Variants in AP3B2 observed in about 807,000 individuals in gnomAD.
AP3B2 encodes adaptor related protein complex 3 subunit beta 2, also known as AP-3 complex subunit beta-2.
Under a neutral mutation model 126.9 loss-of-function variants are expected in AP3B2, and 50 were observed. The observed-to-expected ratio is 0.39, with a 90% confidence interval of 0.31 to 0.50. AP3B2 has a LOEUF of 0.50. AP3B2 is among the 20% of genes least tolerant of loss of function. The pLI, the probability that AP3B2 is intolerant of heterozygous loss-of-function variation, is 0.79. For synonymous variants in AP3B2, 541 were observed against 565.0 expected (o/e 0.96, Z 0.60); for missense variants, 1,177 against 1,426.4 (o/e 0.83, Z 2.82).
Position 82,662,755 on chromosome 15 carries a change from G to A in AP3B2, c.2772C>T (p.Gly924=), listed in dbSNP as rs1289721420. The A allele has an allele frequency of 1.2e-6, 2 of 1,613,768 alleles. No homozygotes were observed. The highest frequency in any genetic ancestry group is 1.3e-5 in the African/African-American group (1 of 74,936). The change falls in exon 23 of 27, where the codon GGC becomes GGT. Residue 924 remains glycine (G), a synonymous_variant. Coordinates refer to ENST00000535359, the MANE Select transcript of AP3B2 (RefSeq NM_001278512.2). ...FSNSSDTPIK[G]LHVGTPKLPA... is the part of the protein sequence containing the mutation. ...GCAGTTTGGGAGTGCCCACATGCAGGCCCTTGATGGGGGTATCAGAGCTGT... is the reference window on the plus strand; with the variant it reads ...GCAGTTTGGGAGTGCCCACATGCAGACCCTTGATGGGGGTATCAGAGCTGT...
chr15:82,680,284 G>A lies in AP3B2; in HGVS notation c.1056-55C>T. On this transcript the variant is annotated intron_variant, in intron 8 of 26. Transcript: ENST00000535359. This position sits in a 1 kb window ranked among gnomAD's most constrained non-coding sequence, Gnocchi z 6.1. ...GGCCCCTCGGTTGGGGCAAGGGTCA[G>A]CGGATGAGGGGAAAAGGTGGGGCAA... is the stretch of plus-strand genomic sequence containing the variant. The A allele has an allele frequency of 6.2e-7, 1 of 1,610,728 alleles. No homozygotes were observed. The highest frequency in any genetic ancestry group is 2.2e-5 in the East Asian group (1 of 44,826).
rs1168677237 is a variant in AP3B2, at chr15:82,681,735, T to C, written c.361-155A>G. The C allele has an allele frequency of 1.5e-5, 12 of 795,514 alleles. No homozygotes were observed. Among genetic ancestry groups the C allele is most frequent in the Non-Finnish European group, 2.3e-5 (12 of 515,994 alleles). The allele number at this position is 795,514 out of a possible 1,614,324, so 49.3% of individuals were successfully genotyped here. A position where few individuals can be genotyped will look rare whatever the true frequency, so the allele number is the denominator to read the frequency against. ...GGATGGTGTGCCAGTGATGGGTATC[T>C]GGGGGACACTTAATTTTGGCTCTGG... On this transcript the variant is annotated intron_variant, in intron 4 of 26. Transcript: ENST00000535359. The surrounding 1 kb of genome is among the most constrained non-coding windows in gnomAD (Gnocchi z 4.0).
At chr15:82,697,487 T>C (rs578241298) in intron 1 of AP3B2, among the ~76,000 whole-genome samples, 80 of 152,254 alleles carry the variant, frequency 5.3e-4, no homozygotes, top group African/African-American at 1.7e-3. Context: ...CTGCTGCTAA[T>C]GCTGAGAAAC....
rs1470371816 is a variant in AP3B2, at chr15:82,665,605, A to T, written c.1853-30T>A. On this transcript the variant is annotated intron_variant, in intron 15 of 26. Transcript: ENST00000535359. This position sits in a 1 kb window ranked among gnomAD's most constrained non-coding sequence, Gnocchi z 4.4. ...GGATAGGTTTAGAGGTCAGGCAGGT[A>T]GCAGCAGTGAGGGAAAGCTCTGGGA... The T allele has an allele frequency of 6.4e-7, 1 of 1,550,988 alleles. No individual in the cohort carries two copies. Among genetic ancestry groups the T allele is most frequent in the South Asian group, 1.1e-5 (1 of 89,106 alleles).
chr15:82,709,489 C>CGGGGCGGGGCCGGCGCTG (rs1483194242), intron 1 of AP3B2, 105 bp downstream of exon 1: 4 of 749,680 alleles, frequency 5.3e-6, no homozygotes, highest in Non-Finnish European at 6.7e-6. Context: ...TCGGCGCGGC[C>CGGGGCGGGGCCGGCGCTG]GGGGCGGGGC....
intron 1 of AP3B2, 94 bp downstream of exon 1, chr15:82,709,500 C>G: frequency 1.2e-6 from 1 of 861,734 alleles, no homozygotes; most frequent in Non-Finnish European, 1.5e-6. Flanking sequence ...GGGGCGGGGC[C>G]GGCGCTGGGG....
At position 82,709,645 on chromosome 15, in the gene AP3B2, T is replaced by G; in HGVS notation, c.62A>C (p.Glu21Ala). The G allele has an allele frequency of 6.6e-7, 1 of 1,521,146 alleles. No individual in the cohort carries two copies. The highest frequency in any genetic ancestry group is 8.8e-7 in the Non-Finnish European group (1 of 1,137,418). The allele number at this position is 1,521,146 out of a possible 1,614,324, so 94.2% of individuals were successfully genotyped here. Residue 21 changes from glutamate to alanine, a missense_variant, in exon 1 of 27, where the codon GAG becomes GCG. Around this residue, in one of 5 missense-constraint regions of AP3B2, gnomAD observed 49 missense variants for 39.3 expected, o/e 1.25. Coordinates refer to ENST00000535359, the MANE Select transcript of AP3B2 (RefSeq NM_001278512.2). ...KGGSAGPGEPEYGHDPASGGI... is the reference protein window; with the variant it reads ...KGGSAGPGEPAYGHDPASGGI... ...GCCGCTCGCGGGGTCGTGGCCGTAC[T>G]CGGGCTCCCCGGGGCCAGCGGAGCC...
chr15:82,660,730 C>A lies in AP3B2; in HGVS notation c.3017-747G>T, dbSNP rs116415695. The stretch of plus-strand genomic sequence containing the variant: ...GACATCCCTCTCCTGTTTCTTCTAT[C>A]CCCTTCATTCATGACTAATAACATT... On this transcript the variant is annotated intron_variant, in intron 25 of 26. Coordinates refer to ENST00000535359, the MANE Select transcript of AP3B2 (RefSeq NM_001278512.2). Among the ~76,000 whole-genome samples, 297 of 152,322 alleles carry A rather than the reference C, an allele frequency of 1.9e-3. 2 individuals carry two copies. Among genetic ancestry groups the A allele is most frequent in the African/African-American group, 6.8e-3 (282 of 41,572 alleles).
intron 14 of AP3B2, among the ~76,000 whole-genome samples, chr15:82,675,248 T>A (rs1043977777): frequency 6.6e-6 from 1 of 152,246 alleles, no homozygotes; most frequent in Non-Finnish European, 1.5e-5. Flanking sequence ...TCCTTCCACC[T>A]GAAGACCTAA....
intron 1 of AP3B2, among the ~76,000 whole-genome samples, chr15:82,695,059 T>C (rs904597694): frequency 6.6e-6 from 1 of 151,986 alleles, no homozygotes; most frequent in African/African-American, 2.4e-5. Context: ...GAAGCATCTT[T>C]TGTTATCAGA....
rs1429663191 is a variant in AP3B2 at position 82,659,932 on chromosome 15, G to A, written c.3068C>T (p.Thr1023Ile). The change falls in exon 26 of 27, where the codon ACC (threonine) becomes ATC (isoleucine). Residue 1023 changes from threonine (T) to isoleucine (I), a missense_variant. By Grantham distance (89) the Thr-to-Ile change is moderately conservative. Transcript: ENST00000535359. ...CACCACAATGTGGTCACTCCGACAG[G>A]TGTCTGGCAGCATGAGTTTCTCTGT... ...EITEKLMLPDTCRSDHIVVQK... is the reference protein window; with the variant it reads ...EITEKLMLPDICRSDHIVVQK... 1 of 1,613,930 alleles carries A rather than the reference G, an allele frequency of 6.2e-7. No homozygotes were observed. Among genetic ancestry groups the A allele is most frequent in the South Asian group, 1.1e-5 (1 of 91,086 alleles).
rs2048035332 is a variant in AP3B2 at position 82,665,378 on chromosome 15, C to CACACACACACACACAT, written c.1972-76_1972-75insATGTGTGTGTGTGTGT. ...GCTCCCTACTGTCTGCCCCCACCAACACACACACACACACACACACACACA... is the reference window on the plus strand; with the variant it reads ...GCTCCCTACTGTCTGCCCCCACCAACACACACACACACACATACACACACACACACACACACACACA... On this transcript the variant is annotated intron_variant, in intron 16 of 26. Transcript: ENST00000535359. This position sits in a 1 kb window ranked among gnomAD's most constrained non-coding sequence, Gnocchi z 4.4. 3 of 18,474 alleles carry CACACACACACACACAT rather than the reference C, an allele frequency of 1.6e-4. No homozygotes were observed. Among genetic ancestry groups the CACACACACACACACAT allele is most frequent in the African/African-American group, 9.7e-4 (3 of 3,108 alleles). 1.1% of individuals were successfully genotyped at this position (18,474 alleles called of 1,614,324 possible).
At chr15:82,683,047 G>GTTTTGTT (rs2048368471) in intron 4 of AP3B2, among the ~76,000 whole-genome samples, 1 of 77,716 alleles carries the variant, frequency 1.3e-5, no homozygotes, top group Non-Finnish European at 2.5e-5. Flanking sequence ...TGCACCAGGA[G>GTTTTGTT]TTTTTTTTTT....
intron 1 of AP3B2, among the ~76,000 whole-genome samples, chr15:82,690,877 C>A (rs961030341): frequency 6.6e-6 from 1 of 151,820 alleles, no homozygotes. Flanking sequence ...AGGATGGTCT[C>A]GATCTCCTGA....
Position 82,680,124 on chromosome 15 carries a change from C to T in AP3B2, c.1110+51G>A. 6.2e-7 allele frequency: 1 copy of T among 1,610,016 alleles called. No homozygotes were observed. The highest frequency in any genetic ancestry group is 8.5e-7 in the Non-Finnish European group (1 of 1,178,756). On this transcript the variant is annotated intron_variant, in intron 9 of 26. Coordinates refer to ENST00000535359, the MANE Select transcript of AP3B2 (RefSeq NM_001278512.2). This position sits in a 1 kb window ranked among gnomAD's most constrained non-coding sequence, Gnocchi z 6.1. ...CCAGCCCCGACAACGCCTCCAGTGC[C>T]CGCAGAAGCGGCCCTCGGACAGCGA...
chr15:82,694,527 T>TA (rs1447513247), intron 1 of AP3B2, among the ~76,000 whole-genome samples: 3 of 150,718 alleles, frequency 2.0e-5, no homozygotes, highest in Non-Finnish European at 3.0e-5. Flanking sequence ...TCTACAAAAA[T>TA]AAAAAAAATT....
intron 4 of AP3B2, chr15:82,687,171 A>G (rs1230707518): frequency 6.6e-6 from 1 of 152,186 alleles, no homozygotes; most frequent in Non-Finnish European, 1.5e-5. Flanking sequence ...CCTGTTAGAC[A>G]TGTTCTAGAG....
intron 25 of AP3B2, among the ~76,000 whole-genome samples, chr15:82,660,373 A>T (rs2047919884): frequency 6.6e-6 from 1 of 152,096 alleles, no homozygotes; most frequent in African/African-American, 2.4e-5. Context: ...ACTCCCACTC[A>T]GCTCCTGGAA....
chr15:82,672,437 T>C (rs540539924), intron 14 of AP3B2, among the ~76,000 whole-genome samples: 2 of 151,792 alleles, frequency 1.3e-5, no homozygotes, highest in South Asian at 2.1e-4. Context: ...AGTTGGAGAG[T>C]AGAATAATGG....
Sources: gnomAD v4.1 joint callset for allele counts (sites outside exome capture counted in the v4.1 genomes callset) on GRCh38, gnomAD v4.1.1 for gene constraint, gnomAD v4.1.1 regional missense constraint, Gnocchi (gnomAD v3.1) non-coding constraint, MANE v1.5 for transcripts, NCBI Gene and HGNC (gene_info 2026-07-23, HGNC 2026-07-21) for gene names.